ESRRG: variants seen among roughly 807,000 people sequenced by gnomAD.
The protein encoded by ESRRG is estrogen related receptor gamma, also known as estrogen-related receptor gamma.
A neutral mutation model predicts 44.0 loss-of-function variants in ESRRG; 13 were observed. That is an observed-to-expected ratio of 0.30 (90% CI 0.19 to 0.47). ESRRG has a LOEUF of 0.47. Ranked by LOEUF, ESRRG falls within the 20% of genes least tolerant of loss-of-function variation. The pLI is 1.00. For missense variants in ESRRG, 395 were observed against 580.6 expected (o/e 0.68, Z 3.29); for synonymous variants, 215 against 214.6 (o/e 1.00, Z -0.02).
intron 1 of ESRRG, among the ~76,000 whole-genome samples, chr1:217,113,697 T>C (rs924733706): frequency 6.6e-6 from 1 of 152,080 alleles, no homozygotes; most frequent in African/African-American, 2.4e-5. Flanking sequence ...ACTCCTCCCT[T>C]TAAGAATCTG....
intron 1 of ESRRG, among the ~76,000 whole-genome samples, chr1:216,965,051 A>C (rs2069986572): frequency 1.3e-5 from 2 of 152,214 alleles, no homozygotes; most frequent in African/African-American, 2.4e-5. Context: ...ATTTTGAAAG[A>C]GGGCACAAAA....
chr1:216,714,913 G>A (rs1223543254), intron 1 of ESRRG, among the ~76,000 whole-genome samples: 1 of 152,154 alleles, frequency 6.6e-6, no homozygotes, highest in Non-Finnish European at 1.5e-5. Flanking sequence ...TAGAGCATAA[G>A]AGAAATCGGA....
chr1:216,976,386 A>C (rs1275158796), intron 1 of ESRRG, among the ~76,000 whole-genome samples: 1 of 151,864 alleles, frequency 6.6e-6, no homozygotes, highest in African/African-American at 2.4e-5. Flanking sequence ...AAATAAAAAT[A>C]AGTTGGAGAG....
Position 216,612,536 on chromosome 1 carries a change from C to G in ESRRG, c.589+38437G>C, listed in dbSNP as rs75728947. Among the ~76,000 whole-genome samples the G allele has an allele frequency of 2.8e-3, 430 of 152,240 alleles. 4 individuals carry two copies. The highest frequency in any genetic ancestry group is 9.9e-3 in the African/African-American group (410 of 41,530). ...CTTTACAGTTCCTTCCTCTCCACCC[C>G]CCTCCTTTCTTGTTTCCCTCCCCAC... On this transcript the variant is annotated intron_variant, in intron 3 of 6. Coordinates refer to ENST00000408911, the MANE Select transcript of ESRRG (RefSeq NM_001438.4).
intron 3 of ESRRG, among the ~76,000 whole-genome samples, chr1:216,627,359 C>T (rs911991867): frequency 6.6e-6 from 1 of 152,196 alleles, no homozygotes; most frequent in Non-Finnish European, 1.5e-5. Context: ...GAATTCCCCT[C>T]CTTTTCTTTT....
intron 2 of ESRRG, among the ~76,000 whole-genome samples, chr1:216,931,258 C>T (rs1391957400): frequency 6.6e-6 from 1 of 152,162 alleles, no homozygotes; most frequent in Non-Finnish European, 1.5e-5. Context: ...ATTCCTTACC[C>T]TTATTGACTT....
At chr1:216,609,621 A>T (rs2060361650) in intron 3 of ESRRG, among the ~76,000 whole-genome samples, 1 of 152,278 alleles carries the variant, frequency 6.6e-6, no homozygotes, top group Non-Finnish European at 1.5e-5. Flanking sequence ...TACTTAAGTC[A>T]GATTCAATAA....
intron 1 of ESRRG, among the ~76,000 whole-genome samples, chr1:216,695,706 C>A (rs2080013559): frequency 6.6e-6 from 1 of 152,024 alleles, no homozygotes; most frequent in East Asian, 1.9e-4. Context: ...ATGTTATGAA[C>A]CTGATCTTAT....
At chr1:216,881,405 A>T (rs896329786) in intron 2 of ESRRG, among the ~76,000 whole-genome samples, 2 of 152,166 alleles carry the variant, frequency 1.3e-5, no homozygotes, top group Admixed American at 6.5e-5. Flanking sequence ...GATGTAAGCT[A>T]CATTTCCTGT....
intron 2 of ESRRG, among the ~76,000 whole-genome samples, chr1:216,820,419 A>G (rs2095260856): frequency 6.6e-6 from 1 of 152,248 alleles, no homozygotes; most frequent in Non-Finnish European, 1.5e-5. Context: ...AAAATCAAAC[A>G]TAATGTCTTT....
chr1:216,605,541 G>T (rs2059817230), intron 3 of ESRRG, among the ~76,000 whole-genome samples: 1 of 152,132 alleles, frequency 6.6e-6, no homozygotes, highest in Non-Finnish European at 1.5e-5. Context: ...TGTGAAAGAG[G>T]ATTATATCTA....
At chr1:216,581,336 G>A (rs2062721526) in intron 3 of ESRRG, among the ~76,000 whole-genome samples, 3 of 152,058 alleles carry the variant, frequency 2.0e-5, no homozygotes, top group African/African-American at 7.2e-5. Flanking sequence ...CTGTATATAT[G>A]TATATACATG....
chr1:216,970,372 C>G (rs2071393698), intron 1 of ESRRG, among the ~76,000 whole-genome samples: 1 of 152,196 alleles, frequency 6.6e-6, no homozygotes, highest in Non-Finnish European at 1.5e-5. Flanking sequence ...AATTATGTAT[C>G]ATGCTTCAGT....
intron 2 of ESRRG, among the ~76,000 whole-genome samples, chr1:216,808,405 A>G (rs999029049): frequency 3.9e-5 from 6 of 152,140 alleles, no homozygotes; most frequent in South Asian, 2.1e-4. Flanking sequence ...GAGAGCATCA[A>G]TGAATCTAAA....
At chr1:216,866,549 CTTTG>C (rs2096163482) in intron 2 of ESRRG, among the ~76,000 whole-genome samples, 1 of 146,078 alleles carries the variant, frequency 6.8e-6, no homozygotes, top group Admixed American at 7.2e-5. Flanking sequence ...CTTTATCTTT[CTTTG>C]TTTCTTTCTT....
chr1:216,780,660 C>G (rs1272411373), intron 2 of ESRRG, among the ~76,000 whole-genome samples: 1 of 151,906 alleles, frequency 6.6e-6, no homozygotes, highest in Non-Finnish European at 1.5e-5. Context: ...CTCCTTTAAT[C>G]TATATTATCT....
chr1:216,832,523 T>A (rs2095502478), intron 2 of ESRRG, among the ~76,000 whole-genome samples: 1 of 152,136 alleles, frequency 6.6e-6, no homozygotes, highest in Non-Finnish European at 1.5e-5. Context: ...CATCTTACAT[T>A]CAACAACTCT....
At chr1:216,732,916 G>A (rs1329517442) in intron 2 of ESRRG, among the ~76,000 whole-genome samples, 1 of 151,504 alleles carries the variant, frequency 6.6e-6, no homozygotes, top group African/African-American at 2.4e-5. Flanking sequence ...TTTTACTCTG[G>A]TTAGGCATAG....
At chr1:216,548,357 G>C (rs945380652) in intron 5 of ESRRG, among the ~76,000 whole-genome samples, 2 of 152,004 alleles carry the variant, frequency 1.3e-5, no homozygotes, top group Non-Finnish European at 2.9e-5. Flanking sequence ...AAGCCTCTTG[G>C]CTTGGTCTAT....
Sources: allele counts gnomAD v4.1 joint callset (sites outside exome capture counted in the v4.1 genomes callset), GRCh38; gene constraint gnomAD v4.1.1; transcripts MANE v1.5; gene names NCBI Gene and HGNC (gene_info 2026-07-23, HGNC 2026-07-21).